The following NDST4 variants were observed in gnomAD, a reference collection of about 807,000 sequenced individuals.
NDST4 encodes N-heparan sulfate sulfotransferase 4.
A neutral mutation model predicts 100.8 loss-of-function variants in NDST4; 63 were observed. That is an observed-to-expected ratio of 0.62 (90% CI 0.51 to 0.77). The LOEUF is 0.77. NDST4 is among the 30% of genes least tolerant of loss of function. The pLI, the probability that NDST4 is intolerant of heterozygous loss-of-function variation, is 0.00. For missense variants in NDST4, 943 were observed against 1,018.4 expected, an observed-to-expected ratio of 0.93 and a Z score of 1.01; for synonymous variants, 377 against 361.8, an observed-to-expected ratio of 1.04 and a Z score of -0.48.
At chr4:114,941,721 C>T (rs564795303) in intron 4 of NDST4, among the ~76,000 whole-genome samples, 9 of 152,284 alleles carry the variant, frequency 5.9e-5, no homozygotes, top group African/African-American at 1.9e-4. Flanking sequence ...TCAGAAATGG[C>T]AGCTCCCCCA....
At chr4:114,921,466 A>C (rs2126219101) in intron 6 of NDST4, among the ~76,000 whole-genome samples, 1 of 152,320 alleles carries the variant, frequency 6.6e-6, no homozygotes, top group African/African-American at 2.4e-5. Context: ...GCTGTAAATA[A>C]ACCCAGCACT....
At chr4:115,086,686 CT>C (rs1035250199) in intron 1 of NDST4, among the ~76,000 whole-genome samples, 4 of 152,002 alleles carry the variant, frequency 2.6e-5, no homozygotes, top group African/African-American at 9.7e-5. Context: ...CAGGCGGTTT[CT>C]TTTATCACCA....
At chr4:114,848,565 G>C (rs1321772555) in intron 8 of NDST4, among the ~76,000 whole-genome samples, 1 of 152,108 alleles carries the variant, frequency 6.6e-6, no homozygotes, top group Non-Finnish European at 1.5e-5. Flanking sequence ...TTAGCACATG[G>C]CCAAAGTAAA....
At chr4:115,026,302 T>G (rs1727982969) in intron 2 of NDST4, among the ~76,000 whole-genome samples, 1 of 152,036 alleles carries the variant, frequency 6.6e-6, no homozygotes, top group African/African-American at 2.4e-5. Context: ...ATGGAGAAAG[T>G]TAACATTATA....
Position 114,840,507 on chromosome 4 carries a change from AG to A in NDST4, c.2116-960del, listed in dbSNP as rs1314778643. 1.1e-4 allele frequency among the ~76,000 whole-genome samples: 16 copies of A among 152,344 alleles called. No individual in the cohort carries two copies. In the East Asian group the frequency reaches 2.7e-3, roughly 26 times the overall value. On this transcript the variant is annotated intron_variant, in intron 10 of 13. Coordinates refer to ENST00000264363, the MANE Select transcript of NDST4 (RefSeq NM_022569.3). ...GTAGAAGTTACTTGCTGTGACAGCC[AG>A]ATCAGTAAGGGATTAATTCTGACTG... is the stretch of plus-strand genomic sequence containing the variant.
intron 6 of NDST4, among the ~76,000 whole-genome samples, chr4:114,914,232 A>G (rs935454239): frequency 3.3e-5 from 5 of 152,050 alleles, no homozygotes; most frequent in Admixed American, 3.3e-4. Context: ...AATGGGTACA[A>G]AAAAATAGAA....
chr4:115,001,953 G>C (rs777168082), intron 2 of NDST4, among the ~76,000 whole-genome samples: 4 of 152,292 alleles, frequency 2.6e-5, no homozygotes, highest in Admixed American at 6.5e-5. Context: ...TATAAGCTCT[G>C]TCTGCTGGGG....
chr4:114,958,561 C>T (rs569608396), intron 4 of NDST4, among the ~76,000 whole-genome samples: 105 of 152,294 alleles, frequency 6.9e-4, no homozygotes, highest in African/African-American at 2.5e-3. Flanking sequence ...AGTATATTGG[C>T]CCCTTTTAGC....
At chr4:115,019,180 A>G (rs973526727) in intron 2 of NDST4, among the ~76,000 whole-genome samples, 2 of 152,106 alleles carry the variant, frequency 1.3e-5, no homozygotes, top group Non-Finnish European at 2.9e-5. Context: ...TATTGTAAAC[A>G]TGTTATGGCA....
chr4:114,880,809 G>T (rs1235775393), intron 6 of NDST4, among the ~76,000 whole-genome samples: 1 of 152,110 alleles, frequency 6.6e-6, no homozygotes, highest in African/African-American at 2.4e-5. Flanking sequence ...TCACACAGCT[G>T]CTTGGGGCAG....
intron 6 of NDST4, among the ~76,000 whole-genome samples, chr4:114,920,495 G>A (rs902796903): frequency 6.6e-6 from 1 of 152,068 alleles, no homozygotes. Context: ...GTAAGATTCT[G>A]TTACTTACAC....
chr4:115,077,339 T>C lies in NDST4; in HGVS notation c.-246-57A>G, dbSNP rs1313230299. ...TAAAAATAGAAATATAAATATTTAT[T>C]TCTATATAAATGCTGATGCTCAAGA... On this transcript the variant is annotated intron_variant, in intron 1 of 13. Transcript: ENST00000264363. 19 of 170,862 alleles carry C rather than the reference T, an allele frequency of 1.1e-4. 1 individual carries two copies. Among genetic ancestry groups the C allele is most frequent in the Admixed American group, 1.1e-3 (19 of 17,324 alleles). The allele number at this position is 170,862 out of a possible 1,614,324, so 10.6% of individuals were successfully genotyped here.
intron 6 of NDST4, among the ~76,000 whole-genome samples, chr4:114,932,380 G>C (rs1725533752): frequency 6.6e-6 from 1 of 151,840 alleles, no homozygotes; most frequent in Non-Finnish European, 1.5e-5. Flanking sequence ...CAAACTCACA[G>C]CTAATATCAT....
chr4:114,978,823 C>T (rs1016655967), intron 2 of NDST4, among the ~76,000 whole-genome samples: 4 of 152,090 alleles, frequency 2.6e-5, no homozygotes, highest in Middle Eastern at 3.4e-3. Flanking sequence ...ATCTTTCTTC[C>T]TCTAAGTTCT....
At chr4:114,916,767 C>T (rs577102052) in intron 6 of NDST4, among the ~76,000 whole-genome samples, 1 of 151,624 alleles carries the variant, frequency 6.6e-6, no homozygotes, top group South Asian at 2.1e-4. Flanking sequence ...GCTTAAGCAA[C>T]TCTCCCACCC....
chr4:115,011,178 A>G (rs1727536872), intron 2 of NDST4, among the ~76,000 whole-genome samples: 1 of 151,976 alleles, frequency 6.6e-6, no homozygotes, highest in Non-Finnish European at 1.5e-5. Context: ...CTAAGGAATA[A>G]TATGCTTATC....
intron 11 of NDST4, among the ~76,000 whole-genome samples, chr4:114,834,871 T>C (rs1723277616): frequency 6.6e-6 from 1 of 152,238 alleles, no homozygotes; most frequent in Non-Finnish European, 1.5e-5. Context: ...TATCCATTTC[T>C]TCTAGATTTT....
intron 2 of NDST4, among the ~76,000 whole-genome samples, chr4:114,999,888 G>A (rs1226396214): frequency 4.6e-5 from 7 of 151,878 alleles, no homozygotes; most frequent in Non-Finnish European, 8.8e-5. Flanking sequence ...AGGCCCTTGG[G>A]GAGGTGATCA....
intron 6 of NDST4, among the ~76,000 whole-genome samples, chr4:114,924,887 A>AT (rs1327705870): frequency 6.6e-6 from 1 of 152,258 alleles, no homozygotes; most frequent in Middle Eastern, 3.4e-3. Flanking sequence ...ATGGTAATGG[A>AT]TATCCCAATT....
Sources: allele counts gnomAD v4.1 joint callset (sites outside exome capture counted in the v4.1 genomes callset), GRCh38; gene constraint gnomAD v4.1.1; transcripts MANE v1.5; gene names NCBI Gene and HGNC (gene_info 2026-07-23, HGNC 2026-07-21).